Variants in CHODL observed in about 807,000 individuals in gnomAD.
CHODL encodes chondrolectin.
CHODL carries 29 observed loss-of-function variants against 34.5 expected under a neutral mutation model. The observed-to-expected ratio is 0.84, with a 90% CI of 0.63 to 1.15. CHODL has a LOEUF of 1.15. Among genes scored for constraint, CHODL ranks in the 50% most tolerant of loss-of-function variants. CHODL has a pLI of 0.00. For missense variants in CHODL, 332 were observed against 332.5 expected (o/e 1.00, Z 0.01); for synonymous variants, 125 against 116.1 (o/e 1.08, Z -0.49).
chr21:18,031,129 T>G (rs989110537), intron 2 of CHODL, among the ~76,000 whole-genome samples: 1 of 152,070 alleles, frequency 6.6e-6, no homozygotes, highest in Non-Finnish European at 1.5e-5. Context: ...TCAGAATTGG[T>G]CTGGCAATAT....
intron 2 of CHODL, among the ~76,000 whole-genome samples, chr21:18,117,418 T>C (rs2065425780): frequency 6.6e-6 from 1 of 152,222 alleles, no homozygotes; most frequent in Non-Finnish European, 1.5e-5. Context: ...TTCTATTCCC[T>C]CTGTGTTGCA....
chr21:18,070,859 T>C (rs1308270079), intron 2 of CHODL, among the ~76,000 whole-genome samples: 1 of 152,056 alleles, frequency 6.6e-6, no homozygotes, highest in African/African-American at 2.4e-5. Flanking sequence ...GAAACTTGGG[T>C]GCTATAACCA....
rs550237111 is a variant in CHODL, at chr21:18,098,393, G to A, written c.-45+70422G>A. On this transcript the variant is annotated intron_variant, in intron 2 of 6. Transcript: ENST00000400127. ...AAAATAATAATTCAATTAAAAATGG[G>A]CAAAAGAGTTAAATAGAAATTTTTC... is the stretch of plus-strand genomic sequence containing the variant. 2.6e-5 allele frequency among the ~76,000 whole-genome samples: 4 copies of A among 151,940 alleles called. No homozygotes were observed. In the East Asian group the frequency reaches 7.7e-4, roughly 29 times the overall value.
intron 1 of CHODL, among the ~76,000 whole-genome samples, chr21:17,923,838 G>T (rs988772224): frequency 6.6e-6 from 1 of 152,170 alleles, no homozygotes; most frequent in Non-Finnish European, 1.5e-5. Context: ...TTTAGAAAAG[G>T]TGCCAAACTA....
chr21:18,144,533 G>T (rs2072843429), intron 2 of CHODL, among the ~76,000 whole-genome samples: 1 of 152,150 alleles, frequency 6.6e-6, no homozygotes, highest in Non-Finnish European at 1.5e-5. Flanking sequence ...ATTTCAGTAA[G>T]TGCTTACCTT....
intron 2 of CHODL, among the ~76,000 whole-genome samples, chr21:18,199,551 T>C (rs987597901): frequency 3.9e-5 from 6 of 152,128 alleles, no homozygotes; most frequent in African/African-American, 1.4e-4. Flanking sequence ...TTGATGAATG[T>C]ATAGTGTCAT....
At chr21:17,978,574 T>C (rs1283869121) in intron 1 of CHODL, among the ~76,000 whole-genome samples, 12 of 151,420 alleles carry the variant, frequency 7.9e-5, no homozygotes, top group East Asian at 7.8e-4. Flanking sequence ...AAAAATTAGC[T>C]GGGCGTGGTG....
chr21:18,070,488 A>T (rs1284581172), intron 2 of CHODL, among the ~76,000 whole-genome samples: 1 of 152,110 alleles, frequency 6.6e-6, no homozygotes, highest in Admixed American at 6.6e-5. Flanking sequence ...ATAAAACTGT[A>T]CTAAGTTCGA....
chr21:18,224,564 A>G (rs1601168707), intron 2 of CHODL, among the ~76,000 whole-genome samples: 1 of 152,296 alleles, frequency 6.6e-6, no homozygotes, highest in East Asian at 1.9e-4. Context: ...CCTTGACACT[A>G]TTCCTGGATC....
intron 1 of CHODL, among the ~76,000 whole-genome samples, chr21:17,993,689 T>C (rs1161757504): frequency 6.6e-6 from 1 of 152,240 alleles, no homozygotes; most frequent in African/African-American, 2.4e-5. Flanking sequence ...CGTGTGCATA[T>C]GTCTTCAGGA....
At chr21:18,182,997 G>A (rs1297078939) in intron 2 of CHODL, among the ~76,000 whole-genome samples, 1 of 152,060 alleles carries the variant, frequency 6.6e-6, no homozygotes, top group East Asian at 1.9e-4. Flanking sequence ...ATCATACAAG[G>A]CTTATCATGC....
At chr21:18,223,572 A>G (rs1481861694) in intron 2 of CHODL, among the ~76,000 whole-genome samples, 1 of 152,196 alleles carries the variant, frequency 6.6e-6, no homozygotes, top group Non-Finnish European at 1.5e-5. Flanking sequence ...TACTAAATAT[A>G]TGCCTCTATA....
intron 2 of CHODL, among the ~76,000 whole-genome samples, chr21:18,092,261 A>G (rs2065082938): frequency 6.6e-6 from 1 of 152,220 alleles, no homozygotes; most frequent in Non-Finnish European, 1.5e-5. Flanking sequence ...ATGCAAGACC[A>G]CCAAGGTGGT....
chr21:18,046,444 A>G (rs1178178095), intron 2 of CHODL, among the ~76,000 whole-genome samples: 3 of 151,932 alleles, frequency 2.0e-5, no homozygotes, highest in Non-Finnish European at 2.9e-5. Context: ...CGGGGACCAG[A>G]TTGAGATATA....
Position 18,084,391 on chromosome 21 carries a change from G to A in CHODL, c.-45+56420G>A, listed in dbSNP as rs75812776. On this transcript the variant is annotated intron_variant, in intron 2 of 6. Transcript: ENST00000400127. ...TTACTGATCTTTCTACTTTTTTGACGTAGGTATTTAATGCTAAAAACGTCC... is the reference window on the plus strand; with the variant it reads ...TTACTGATCTTTCTACTTTTTTGACATAGGTATTTAATGCTAAAAACGTCC... 1.6e-3 allele frequency among the ~76,000 whole-genome samples: 239 copies of A among 152,104 alleles called. 4 individuals carry two copies. The East Asian group carries it at 0.032, about 20-fold the overall frequency.
intron 1 of CHODL, among the ~76,000 whole-genome samples, chr21:17,983,882 A>C (rs139790740): frequency 1.1e-4 from 16 of 144,246 alleles, no homozygotes; most frequent in African/African-American, 3.8e-4. Context: ...AGTTTCCTTT[A>C]TGTTCCTTTC....
intron 2 of CHODL, among the ~76,000 whole-genome samples, chr21:18,054,386 G>A (rs2064554028): frequency 6.6e-6 from 1 of 151,870 alleles, no homozygotes; most frequent in Non-Finnish European, 1.5e-5. Flanking sequence ...CATTATCCAT[G>A]TTTAAAGCTG....
chr21:18,002,841 C>A (rs979173229), intron 1 of CHODL, among the ~76,000 whole-genome samples: 5 of 152,092 alleles, frequency 3.3e-5, no homozygotes, highest in African/African-American at 1.2e-4. Context: ...TCCAAGAGCC[C>A]GGCCGGGCGC....
intron 2 of CHODL, among the ~76,000 whole-genome samples, chr21:18,076,204 G>A (rs922058288): frequency 6.6e-6 from 1 of 152,190 alleles, no homozygotes; most frequent in African/African-American, 2.4e-5. Flanking sequence ...GATTGGAAGA[G>A]TTGTGAAGTG....
Sources: allele counts gnomAD v4.1 joint callset (sites outside exome capture counted in the v4.1 genomes callset), GRCh38; gene constraint gnomAD v4.1.1; transcripts MANE v1.5; gene names NCBI Gene and HGNC (gene_info 2026-07-23, HGNC 2026-07-21).